ABCG1: variants seen among roughly 807,000 people sequenced by gnomAD.
ABCG1 encodes ATP-binding cassette sub-family G member 1.
In ABCG1, 29 loss-of-function variants were observed where a neutral mutation model predicts 69.2. The ratio of observed to expected loss-of-function variants is 0.42; its 90% confidence interval spans 0.31 to 0.57. ABCG1 has a LOEUF of 0.57. Ranked by LOEUF, ABCG1 falls within the 20% of genes least tolerant of loss-of-function variation. ABCG1 has a pLI of 0.15. For missense variants in ABCG1, 718 were observed against 898.1 expected (o/e 0.80, Z 2.56); for synonymous variants, 370 against 374.8 (o/e 0.99, Z 0.15).
chr21:42,251,059 G>A (rs1409253872), intron 2 of ABCG1, among the ~76,000 whole-genome samples: 1 of 152,074 alleles, frequency 6.6e-6, no homozygotes, highest in African/African-American at 2.4e-5. Context: ...TACCCTGTGA[G>A]GAGCTAGGGC....
intron 7 of ABCG1, among the ~76,000 whole-genome samples, chr21:42,285,452 G>T (rs1161195103): frequency 6.6e-6 from 1 of 151,774 alleles, no homozygotes; most frequent in Non-Finnish European, 1.5e-5. Flanking sequence ...GCTGCACTGA[G>T]CCAAGATCGT....
In ABCG1 at chr21:42,282,363, C is replaced by A; in HGVS notation, c.678C>A (p.Ala226=). 1 of 1,613,908 alleles carries A rather than the reference C, an allele frequency of 6.2e-7. No homozygotes were observed. Among genetic ancestry groups the A allele is most frequent in the Non-Finnish European group, 8.5e-7 (1 of 1,179,978 alleles). The part of the protein sequence containing the change: ...SLSGGQRKRL[A]IALELVNNPP... The stretch of plus-strand genomic sequence containing the variant: ...CAGGTGGTCAGCGCAAGCGCCTGGC[C>A]ATCGCGCTGGAGCTGGTGAACAACC... The change falls in exon 6 of 15, where the codon GCC becomes GCA. Residue 226 remains alanine (A), a synonymous_variant. Transcript: ENST00000398449.
chr21:42,256,117 C>T (rs1569221639), intron 2 of ABCG1: 4 of 1,342,466 alleles, frequency 3.0e-6, no homozygotes, highest in Non-Finnish European at 3.8e-6. Flanking sequence ...AGGCCCGTGA[C>T]CTTCCCAAGC....
rs749343398 is a variant in ABCG1 at position 42,282,317 on chromosome 21, A to G, written c.632A>G (p.Asn211Ser). The G allele has an allele frequency of 1.4e-5, 22 of 1,613,266 alleles. No homozygotes were observed. Among genetic ancestry groups the G allele is most frequent in the Non-Finnish European group, 1.6e-5 (19 of 1,180,034 alleles). Residue 211 changes from asparagine to serine, a missense_variant, in exon 6 of 15, where the codon AAC (asparagine) becomes AGC (serine). Around this residue, in one of 2 missense-constraint regions of ABCG1, gnomAD observed 514 missense variants for 574.3 expected, o/e 0.90. Coordinates refer to ENST00000398449, the MANE Select transcript of ABCG1 (RefSeq NM_016818.3). The part of the protein sequence containing the change: ...LTALGLLSCA[N>S]TRTGSLSGGQ... Reference sequence around the variant, plus strand: ...GCGCTGGGCTTGCTGTCTTGCGCCAACACGCGGACCGGGAGCCTGTCAGGT... The same window carrying G: ...GCGCTGGGCTTGCTGTCTTGCGCCAGCACGCGGACCGGGAGCCTGTCAGGT...
In ABCG1 at chr21:42,284,656, C is replaced by A; in HGVS notation, c.831C>A (p.Ser277Arg). ...RSIICTIHQP[S>R]AKLFELFDQL... Reference sequence around the variant, plus strand: ...TCATTTGCACCATCCACCAGCCCAGCGCCAAACTCTTCGAGCTGTTCGACC... The same window carrying A: ...TCATTTGCACCATCCACCAGCCCAGAGCCAAACTCTTCGAGCTGTTCGACC... The change falls in exon 7 of 15, where the codon AGC becomes AGA. Residue 277 changes from serine (S) to arginine (R), a missense_variant. Around this residue, in one of 2 missense-constraint regions of ABCG1, gnomAD observed 514 missense variants for 574.3 expected, o/e 0.90. Coordinates refer to ENST00000398449, the MANE Select transcript of ABCG1 (RefSeq NM_016818.3). 1.2e-6 allele frequency: 2 copies of A among 1,613,806 alleles called. No individual in the cohort carries two copies. The highest frequency in any genetic ancestry group is 1.7e-6 in the Non-Finnish European group (2 of 1,180,022).
In ABCG1 at chr21:42,291,370, G is replaced by T; in HGVS notation, c.1495-128G>T. On this transcript the variant is annotated intron_variant, in intron 12 of 14. Transcript: ENST00000398449. The surrounding 1 kb of genome is among the most constrained non-coding windows in gnomAD (Gnocchi z 6.4). ...AGCTGTGGCGGGAGCTGTGGGGAGT[G>T]GGGAAGGACCCGACTTTGGGAGCTC... is the stretch of plus-strand genomic sequence containing the variant. 1 of 1,340,888 alleles carries T rather than the reference G, an allele frequency of 7.5e-7. No individual in the cohort carries two copies. 83.1% of individuals were successfully genotyped at this position (1,340,888 alleles called of 1,614,324 possible).
intron 2 of ABCG1, among the ~76,000 whole-genome samples, chr21:42,245,274 T>C: frequency 6.6e-6 from 1 of 152,222 alleles, no homozygotes; most frequent in East Asian, 1.9e-4. Context: ...AGGTTGAGCC[T>C]CTCCACTGGC....
At chr21:42,203,353 G>A (rs891603070) in intron 2 of ABCG1, among the ~76,000 whole-genome samples, 3 of 152,080 alleles carry the variant, frequency 2.0e-5, no homozygotes, top group African/African-American at 7.2e-5. Flanking sequence ...TATGGGTCAT[G>A]CTTTTGGAAC....
intron 2 of ABCG1, among the ~76,000 whole-genome samples, chr21:42,231,999 G>A (rs1006039197): frequency 6.6e-6 from 1 of 152,182 alleles, no homozygotes; most frequent in African/African-American, 2.4e-5. Flanking sequence ...GAGGACTGGA[G>A]AACCCTTCTC....
chr21:42,282,391 C>G lies in ABCG1; in HGVS notation c.706C>G (p.Pro236Ala), dbSNP rs1267375686. ...AIALELVNNP[P>A]VMFFDEPTSG... ...CGCGCTGGAGCTGGTGAACAACCCT[C>G]CAGTCATGTTCTTCGATGAGCCCAC... Residue 236 changes from proline (P) to alanine (A), a missense_variant, in exon 6 of 15, where the codon CCA becomes GCA. Transcript: ENST00000398449. The G allele has an allele frequency of 6.2e-7, 1 of 1,613,746 alleles. No individual in the cohort carries two copies. The highest frequency in any genetic ancestry group is 8.5e-7 in the Non-Finnish European group (1 of 1,179,744).
chr21:42,279,529 TG>T (rs1456138556), intron 5 of ABCG1, among the ~76,000 whole-genome samples: 1 of 152,122 alleles, frequency 6.6e-6, no homozygotes, highest in African/African-American at 2.4e-5. Flanking sequence ...ACCTGTAACG[TG>T]GGGACAGGAA....
chr21:42,215,863 T>C (rs1458149023), upstream of ABCG1, among the ~76,000 whole-genome samples: 1 of 152,148 alleles, frequency 6.6e-6, no homozygotes, highest in Admixed American at 6.5e-5. Flanking sequence ...CAGGTTCAGT[T>C]TGCTAATGGT....
chr21:42,206,780 A>G (rs1461967540), intron 2 of ABCG1, among the ~76,000 whole-genome samples: 7 of 151,280 alleles, frequency 4.6e-5, no homozygotes, highest in Admixed American at 3.9e-4. Flanking sequence ...TGTTTAAATA[A>G]CTTCATTTCA....
At chr21:42,239,773 GT>G (rs1485263296) in intron 2 of ABCG1, among the ~76,000 whole-genome samples, 6 of 152,256 alleles carry the variant, frequency 3.9e-5, no homozygotes. Flanking sequence ...GCAGAAGACC[GT>G]CCGGGGCCTG....
chr21:42,233,259 G>A (rs1178457365), intron 2 of ABCG1, among the ~76,000 whole-genome samples: 2 of 152,140 alleles, frequency 1.3e-5, no homozygotes, highest in Admixed American at 6.5e-5. Context: ...ACACACCAGG[G>A]TGACTTCAGG....
intron 13 of ABCG1, among the ~76,000 whole-genome samples, chr21:42,293,347 C>CA (rs2069125329): frequency 1.9e-5 from 2 of 107,070 alleles, no homozygotes; most frequent in Admixed American, 9.2e-5. Context: ...TACACACTAC[C>CA]CACCACACAC....
intron 13 of ABCG1, among the ~76,000 whole-genome samples, chr21:42,294,096 G>A (rs1441419866): frequency 1.3e-5 from 2 of 152,126 alleles, no homozygotes; most frequent in Non-Finnish European, 1.5e-5. Context: ...CTGCCCTCCC[G>A]GAGGTGCTGA....
chr21:42,284,804 AC>A (rs2068908005), intron 7 of ABCG1, 121 bp downstream of exon 7: 1 of 1,304,710 alleles, frequency 7.7e-7, no homozygotes, highest in Admixed American at 2.1e-5. Context: ...ATGACACCAA[AC>A]CCTGGGTACC....
chr21:42,219,771 C>G lies in ABCG1; in HGVS notation c.42+467C>G. The stretch of plus-strand genomic sequence containing the variant: ...ACTTCTCGCGCCATCCCCAGGAACG[C>G]CAGGCAAGGTCTGGGGGAACAAAAG... On this transcript the variant is annotated intron_variant, in intron 1 of 14. Transcript: ENST00000398449. The surrounding 1 kb of genome is among the most constrained non-coding windows in gnomAD (Gnocchi z 5.3). The G allele has an allele frequency of 7.2e-7, 1 of 1,392,962 alleles. No individual in the cohort carries two copies. The highest frequency in any genetic ancestry group is 3.0e-5 in the Admixed American group (1 of 33,254). The allele number at this position is 1,392,962 out of a possible 1,614,324, so 86.3% of individuals were successfully genotyped here.
Sources: allele counts gnomAD v4.1 joint callset (sites outside exome capture counted in the v4.1 genomes callset), GRCh38; gene constraint gnomAD v4.1.1; regional missense constraint gnomAD v4.1.1; non-coding constraint Gnocchi (gnomAD v3.1); transcripts MANE v1.5; gene names NCBI Gene and HGNC (gene_info 2026-07-23, HGNC 2026-07-21).